ARSK: variants seen among roughly 807,000 people sequenced by gnomAD.
ARSK encodes the protein arylsulfatase family member K.
In ARSK, 37 loss-of-function variants were observed where a neutral mutation model predicts 53.2. That is an observed-to-expected ratio of 0.70 (90% CI 0.54 to 0.92). The LOEUF is 0.92. Ranked by LOEUF, ARSK falls within the 40% of genes least tolerant of loss-of-function variation. The pLI is 0.00. For missense variants in ARSK, 613 were observed against 643.0 expected (o/e 0.95, Z 0.51); for synonymous variants, 208 against 223.2 (o/e 0.93, Z 0.61).
chr5:95,559,786 GGAA>G (rs1273513693), intron 1 of ARSK, among the ~76,000 whole-genome samples: 1 of 152,162 alleles, frequency 6.6e-6, no homozygotes, highest in Non-Finnish European at 1.5e-5. Flanking sequence ...ACTAAGATCA[GGAA>G]GAAGACAAGG....
At chr5:95,581,332 T>C (rs879288035) in intron 3 of ARSK, among the ~76,000 whole-genome samples, 4 of 152,194 alleles carry the variant, frequency 2.6e-5, no homozygotes, top group Admixed American at 6.5e-5. Context: ...ATCACTGTTA[T>C]AGCAAAAGAT....
chr5:95,597,161 GT>G (rs1749322790), intron 6 of ARSK, among the ~76,000 whole-genome samples: 1 of 151,990 alleles, frequency 6.6e-6, no homozygotes, highest in Non-Finnish European at 1.5e-5. Context: ...AGTTAAAATT[GT>G]TTTGATTTTT....
intron 6 of ARSK, among the ~76,000 whole-genome samples, chr5:95,593,673 C>T (rs557124504): frequency 7.2e-5 from 11 of 152,250 alleles, no homozygotes; most frequent in African/African-American, 2.6e-4. Context: ...AATTCTCATG[C>T]ATCTACCTAT....
chr5:95,557,027 A>G (rs1748535132), intron 1 of ARSK: 1 of 151,784 alleles, frequency 6.6e-6, no homozygotes, highest in Non-Finnish European at 1.5e-5. Context: ...AAATAAAAAT[A>G]AAAATAAAAA....
rs369235790 is a variant in ARSK, at chr5:95,572,726, C to T, written c.416+4677C>T. 2.0e-5 allele frequency among the ~76,000 whole-genome samples: 3 copies of T among 149,222 alleles called. No individual in the cohort carries two copies. In the East Asian group the frequency reaches 5.8e-4, roughly 29 times the overall value. ...CCGGGAGGCGGAGCTTGCAGCGAGC[C>T]GAGATTGCACCACTGCAGTCCGGCC... On this transcript the variant is annotated intron_variant, in intron 3 of 7. Transcript: ENST00000380009.
chr5:95,556,235 T>C, intron 1 of ARSK: 1 of 702,330 alleles, frequency 1.4e-6, no homozygotes, highest in Admixed American at 2.0e-5. Context: ...TTACATAGTC[T>C]GGATGTGCCC....
intron 3 of ARSK, among the ~76,000 whole-genome samples, chr5:95,574,810 T>G (rs1053643234): frequency 3.3e-5 from 5 of 152,152 alleles, no homozygotes; most frequent in Non-Finnish European, 7.4e-5. Context: ...CACTTTTTTT[T>G]TATTGTTCCC....
At chr5:95,599,742 T>A (rs1387120942) in intron 6 of ARSK, among the ~76,000 whole-genome samples, 1 of 152,246 alleles carries the variant, frequency 6.6e-6, no homozygotes, top group Admixed American at 6.5e-5. Flanking sequence ...AAACTTTTTT[T>A]ATCAAGTTAT....
intron 1 of ARSK, chr5:95,556,905 G>A (rs1748531707): frequency 6.6e-6 from 1 of 152,028 alleles, no homozygotes; most frequent in Non-Finnish European, 1.5e-5. Context: ...AGCTACTCGG[G>A]AGGCTGAAGC....
intron 1 of ARSK, among the ~76,000 whole-genome samples, chr5:95,565,496 C>T (rs1181229452): frequency 6.6e-6 from 1 of 152,154 alleles, no homozygotes; most frequent in African/African-American, 2.4e-5. Context: ...TCATACATCC[C>T]AGAGAAGGCT....
At chr5:95,565,111 G>A (rs184134054) in intron 1 of ARSK, among the ~76,000 whole-genome samples, 111 of 152,310 alleles carry the variant, frequency 7.3e-4, no homozygotes, top group Middle Eastern at 3.4e-3. Flanking sequence ...ACATATAATA[G>A]ATAGAACTCC....
intron 7 of ARSK, among the ~76,000 whole-genome samples, chr5:95,603,002 GA>G (rs34413373): frequency 2.7e-5 from 4 of 150,724 alleles, no homozygotes; most frequent in Non-Finnish European, 5.9e-5. Flanking sequence ...TTTAAGAAAA[GA>G]AAAAAAAAGT....
chr5:95,595,959 A>G (rs1749301482), intron 6 of ARSK, among the ~76,000 whole-genome samples: 1 of 152,232 alleles, frequency 6.6e-6, no homozygotes, highest in African/African-American at 2.4e-5. Flanking sequence ...TCCTTTTTAG[A>G]TACTGTGTCC....
chr5:95,559,360 G>A (rs1404433564), intron 1 of ARSK, among the ~76,000 whole-genome samples: 1 of 152,144 alleles, frequency 6.6e-6, no homozygotes, highest in African/African-American at 2.4e-5. Flanking sequence ...CACAGAACTT[G>A]ACTTTTCCTA....
At chr5:95,601,513 A>G (rs1002302737) in intron 7 of ARSK, among the ~76,000 whole-genome samples, 1 of 152,208 alleles carries the variant, frequency 6.6e-6, no homozygotes, top group Non-Finnish European at 1.5e-5. Flanking sequence ...AAATTTGGAT[A>G]CCTGTGTGAG....
chr5:95,559,985 GCTGTATA>G (rs1280870347), intron 1 of ARSK, among the ~76,000 whole-genome samples: 1 of 152,112 alleles, frequency 6.6e-6, no homozygotes, highest in Non-Finnish European at 1.5e-5. Flanking sequence ...AATTAGTAAG[GCTGTATA>G]CCAGATCAGT....
At chr5:95,596,079 A>G (rs1010170239) in intron 6 of ARSK, among the ~76,000 whole-genome samples, 1 of 152,218 alleles carries the variant, frequency 6.6e-6, no homozygotes, top group African/African-American at 2.4e-5. Flanking sequence ...TTAGGAGCCA[A>G]CAAAACAAAG....
intron 6 of ARSK, among the ~76,000 whole-genome samples, chr5:95,600,275 G>A (rs2112450391): frequency 6.6e-6 from 1 of 152,210 alleles, no homozygotes; most frequent in South Asian, 2.1e-4. Flanking sequence ...GGGGCACATA[G>A]TATACTATAT....
At chr5:95,583,343 A>G (rs1472219794) in intron 4 of ARSK, 145 bp downstream of exon 4, 1 of 681,136 alleles carries the variant, frequency 1.5e-6, no homozygotes, top group Non-Finnish European at 2.2e-6. Context: ...TATGATAAAA[A>G]CTAAAGGGAC....
Sources: allele counts gnomAD v4.1 joint callset (sites outside exome capture counted in the v4.1 genomes callset), GRCh38; gene constraint gnomAD v4.1.1; transcripts MANE v1.5; gene names NCBI Gene and HGNC (gene_info 2026-07-23, HGNC 2026-07-21).